GRM8: variants seen among roughly 807,000 people sequenced by gnomAD.
GRM8 encodes glutamate metabotropic receptor 8.
A neutral mutation model predicts 87.2 loss-of-function variants in GRM8; 47 were observed. That is an observed-to-expected ratio of 0.54 (90% CI 0.43 to 0.69). The LOEUF (loss-of-function observed/expected upper bound fraction) is 0.69, where lower values mean the gene tolerates loss of function less well. GRM8 is among the 30% of genes least tolerant of loss of function. GRM8 has a pLI of 0.00. For missense variants in GRM8, 1,019 were observed against 1,139.2 expected (o/e 0.89, Z 1.52); for synonymous variants, 396 against 404.5 (o/e 0.98, Z 0.25).
At chr7:126,563,707 C>G (rs944880220) in intron 8 of GRM8, among the ~76,000 whole-genome samples, 2 of 152,122 alleles carry the variant, frequency 1.3e-5, no homozygotes, top group Non-Finnish European at 2.9e-5. Flanking sequence ...TCCAACTGAA[C>G]CACTTGTGGA....
chr7:127,029,124 G>C (rs1817102856), intron 3 of GRM8, among the ~76,000 whole-genome samples: 1 of 152,258 alleles, frequency 6.6e-6, no homozygotes, highest in South Asian at 2.1e-4. Context: ...AGATTGTTCA[G>C]TTTCCATGTA....
At chr7:127,173,511 T>C (rs1375134050) in intron 2 of GRM8, among the ~76,000 whole-genome samples, 1 of 152,132 alleles carries the variant, frequency 6.6e-6, no homozygotes, top group Non-Finnish European at 1.5e-5. Flanking sequence ...AGGATCAGAT[T>C]GTACAGAGCT....
chr7:127,090,726 GC>G (rs1563497286), intron 3 of GRM8, among the ~76,000 whole-genome samples: 1 of 152,060 alleles, frequency 6.6e-6, no homozygotes, highest in Non-Finnish European at 1.5e-5. Context: ...GCACTGGCAT[GC>G]CCCAGAACCC....
Position 127,053,798 on chromosome 7 carries a change from A to AGC in GRM8, c.727+52697_727+52698insGC, listed in dbSNP as rs1554580044. Among the ~76,000 whole-genome samples, 256 of 104,422 alleles carry AGC rather than the reference A, an allele frequency of 2.5e-3. 6 individuals are homozygous for AGC. The highest frequency in any genetic ancestry group is 3.9e-3 in the Non-Finnish European group (214 of 54,254). 68.5% of individuals were successfully genotyped at this position (104,422 alleles called of 152,430 possible). A position where few individuals can be genotyped will look rare whatever the true frequency, so the allele number is the denominator to read the frequency against. On this transcript the variant is annotated intron_variant, in intron 3 of 10. Coordinates refer to ENST00000339582, the MANE Select transcript of GRM8 (RefSeq NM_000845.3). ...GCGAGACTCTGTCTCAAAAAAAAAA[A>AGC]GGGGGGGGGGAATATACATTTCATC...
chr7:127,214,360 ATTT>A (rs1796394080), intron 2 of GRM8, among the ~76,000 whole-genome samples: 1 of 152,202 alleles, frequency 6.6e-6, no homozygotes, highest in Admixed American at 6.5e-5. Flanking sequence ...TATCCTTATG[ATTT>A]TTAAACTTTG....
chr7:126,534,810 G>A (rs778566639), intron 8 of GRM8, among the ~76,000 whole-genome samples: 1 of 152,194 alleles, frequency 6.6e-6, no homozygotes, highest in Admixed American at 6.5e-5. Context: ...GATGACGGGA[G>A]ACCACTTACT....
intron 6 of GRM8, among the ~76,000 whole-genome samples, chr7:126,837,136 C>T (rs888896229): frequency 1.3e-5 from 2 of 151,868 alleles, no homozygotes; most frequent in East Asian, 1.9e-4. Context: ...TTCATTTAGT[C>T]GGCATAGGCA....
At chr7:127,121,021 A>C (rs145592768) in intron 2 of GRM8, among the ~76,000 whole-genome samples, 309 of 152,320 alleles carry the variant, frequency 2.0e-3, no homozygotes, top group African/African-American at 6.9e-3. Context: ...GTTTTTGAAA[A>C]ATAAAAATTT....
chr7:126,986,129 T>A (rs1812041632), intron 3 of GRM8, among the ~76,000 whole-genome samples: 1 of 152,044 alleles, frequency 6.6e-6, no homozygotes, highest in African/African-American at 2.4e-5. Flanking sequence ...TCCTTCCACC[T>A]CAACTTCCTG....
chr7:126,710,831 C>T (rs1374121237), intron 7 of GRM8, among the ~76,000 whole-genome samples: 1 of 152,154 alleles, frequency 6.6e-6, no homozygotes, highest in Non-Finnish European at 1.5e-5. Flanking sequence ...ATTTCCTTTG[C>T]CTGGATCCAT....
intron 8 of GRM8, among the ~76,000 whole-genome samples, chr7:126,535,731 C>T (rs893370631): frequency 6.6e-6 from 1 of 152,162 alleles, no homozygotes; most frequent in African/African-American, 2.4e-5. Flanking sequence ...TTAGCTAGTC[C>T]TCAGTTTGGT....
chr7:126,654,570 G>C (rs1490956016), intron 7 of GRM8, among the ~76,000 whole-genome samples: 1 of 152,150 alleles, frequency 6.6e-6, no homozygotes, highest in African/African-American at 2.4e-5. Flanking sequence ...AAAACTATAA[G>C]TGTTTTTAAT....
intron 9 of GRM8, among the ~76,000 whole-genome samples, chr7:126,531,996 A>G (rs1284642840): frequency 6.6e-6 from 1 of 152,236 alleles, no homozygotes; most frequent in African/African-American, 2.4e-5. Context: ...ATCAGGGCAG[A>G]AGGGCTATCA....
intron 7 of GRM8, among the ~76,000 whole-genome samples, chr7:126,745,054 A>G (rs969300517): frequency 6.6e-6 from 1 of 151,884 alleles, no homozygotes; most frequent in Admixed American, 6.6e-5. Context: ...TCTGAGATAA[A>G]TAATCAATGA....
intron 9 of GRM8, among the ~76,000 whole-genome samples, chr7:126,474,987 AAC>A (rs1584743707): frequency 6.6e-6 from 1 of 152,192 alleles, no homozygotes; most frequent in East Asian, 1.9e-4. Flanking sequence ...TCCTCAACAT[AAC>A]AAATGCCATA....
At chr7:126,869,663 C>T (rs1399526816) in intron 6 of GRM8, 1 of 152,080 alleles carries the variant, frequency 6.6e-6, no homozygotes, top group Non-Finnish European at 1.5e-5. Context: ...TTGAAAGAAA[C>T]CTTTTTTTCT....
At chr7:126,879,933 TACAA>T (rs890114453) in intron 6 of GRM8, among the ~76,000 whole-genome samples, 62 of 152,296 alleles carry the variant, frequency 4.1e-4, no homozygotes, top group African/African-American at 1.4e-3. Context: ...ATGCAGTCTT[TACAA>T]ACAATTTTTT....
chr7:126,666,735 T>C (rs1241959811), intron 7 of GRM8, among the ~76,000 whole-genome samples: 3 of 152,050 alleles, frequency 2.0e-5, no homozygotes, highest in African/African-American at 7.2e-5. Flanking sequence ...AGATTTGCAA[T>C]CCCTTATCTG....
chr7:127,246,761 C>T (rs1305517536), intron 1 of GRM8, among the ~76,000 whole-genome samples: 2 of 152,204 alleles, frequency 1.3e-5, no homozygotes, highest in African/African-American at 2.4e-5. Flanking sequence ...CTGGCCAGAG[C>T]CCAGAATTCT....
Sources: allele counts gnomAD v4.1 joint callset (sites outside exome capture counted in the v4.1 genomes callset), GRCh38; gene constraint gnomAD v4.1.1; transcripts MANE v1.5; gene names NCBI Gene and HGNC (gene_info 2026-07-23, HGNC 2026-07-21).